Variants in CSMD3 observed in about 807,000 individuals in gnomAD.
The protein encoded by CSMD3 is CUB and sushi domain-containing protein 3.
Under a neutral mutation model 435.2 loss-of-function variants are expected in CSMD3, and 177 were observed. That is an observed-to-expected ratio of 0.41 (90% CI 0.36 to 0.46). CSMD3 has a LOEUF of 0.46. Among genes scored for constraint, CSMD3 ranks in the 20% least tolerant of loss-of-function variants. The pLI is 0.34. For synonymous variants in CSMD3, 1,656 were observed against 1,520.5 expected (o/e 1.09, Z -2.07); for missense variants, 4,265 against 4,504.6 (o/e 0.95, Z 1.52).
chr8:112,375,155 TG>T (rs1361788829), intron 38 of CSMD3, among the ~76,000 whole-genome samples: 4 of 152,154 alleles, frequency 2.6e-5, no homozygotes, highest in African/African-American at 9.6e-5. Context: ...TAGAGGACAG[TG>T]GCTTTCTTTG....
At chr8:113,230,064 A>G (rs1050513547) in intron 3 of CSMD3, among the ~76,000 whole-genome samples, 1 of 151,664 alleles carries the variant, frequency 6.6e-6, no homozygotes, top group Admixed American at 6.6e-5. Context: ...TCTCCATTAT[A>G]GCATGTCTGA....
chr8:112,978,677 A>G (rs748479320), intron 6 of CSMD3, among the ~76,000 whole-genome samples: 12 of 152,070 alleles, frequency 7.9e-5, no homozygotes, highest in Non-Finnish European at 1.5e-4. Flanking sequence ...TTTAATAATC[A>G]TAATCTAACC....
At chr8:112,887,528 T>C (rs1000473613) in intron 10 of CSMD3, among the ~76,000 whole-genome samples, 5 of 151,572 alleles carry the variant, frequency 3.3e-5, no homozygotes, top group Non-Finnish European at 5.9e-5. Flanking sequence ...AAACTATTTC[T>C]TATTAACATG....
chr8:113,365,124 GA>G (rs1344296948), intron 1 of CSMD3, among the ~76,000 whole-genome samples: 1 of 151,938 alleles, frequency 6.6e-6, no homozygotes, highest in Non-Finnish European at 1.5e-5. Flanking sequence ...TTTCCTTAAG[GA>G]AAATGAGCAA....
chr8:112,515,553 A>G lies in CSMD3; in HGVS notation c.4756+1481T>C, dbSNP rs140851875. On this transcript the variant is annotated intron_variant, in intron 28 of 70. Transcript: ENST00000297405. ...AGTGCACTTACAGTAAATGTAAATT[A>G]ATTGATGTTTGTTGATTTAGAATCT... 3.2e-3 allele frequency among the ~76,000 whole-genome samples: 487 copies of G among 152,208 alleles called. 3 individuals are homozygous for G. The highest frequency in any genetic ancestry group is 0.011 in the African/African-American group (460 of 41,574).
At chr8:112,435,318 C>T (rs1814208179) in intron 32 of CSMD3, among the ~76,000 whole-genome samples, 1 of 151,996 alleles carries the variant, frequency 6.6e-6, no homozygotes, top group Non-Finnish European at 1.5e-5. Context: ...GCTCTATAAC[C>T]ATTATCTCTG....
intron 28 of CSMD3, among the ~76,000 whole-genome samples, chr8:112,515,883 G>A (rs1184163114): frequency 6.6e-6 from 1 of 151,896 alleles, no homozygotes; most frequent in East Asian, 1.9e-4. Flanking sequence ...TGCAAAGTAA[G>A]TTCATAGGAA....
intron 30 of CSMD3, among the ~76,000 whole-genome samples, chr8:112,499,709 T>C (rs1338039479): frequency 6.6e-6 from 1 of 152,196 alleles, no homozygotes; most frequent in Admixed American, 6.5e-5. Context: ...AATGCTATAC[T>C]TAGAACCAAT....
intron 11 of CSMD3, among the ~76,000 whole-genome samples, chr8:112,836,342 C>T (rs948688870): frequency 1.3e-5 from 2 of 151,708 alleles, no homozygotes; most frequent in Admixed American, 6.6e-5. Context: ...TACCCTTGAC[C>T]TTTTCTTCTC....
At chr8:112,978,161 T>G (rs2130947347) in intron 6 of CSMD3, among the ~76,000 whole-genome samples, 1 of 152,158 alleles carries the variant, frequency 6.6e-6, no homozygotes, top group African/African-American at 2.4e-5. Flanking sequence ...AGGTTTAATT[T>G]TAATAAAAGA....
chr8:112,563,997 C>T (rs367779345), intron 24 of CSMD3, among the ~76,000 whole-genome samples: 1 of 151,982 alleles, frequency 6.6e-6, no homozygotes, highest in Non-Finnish European at 1.5e-5. Flanking sequence ...ACAGCTCACA[C>T]GAGTGTGAAA....
intron 1 of CSMD3, among the ~76,000 whole-genome samples, chr8:113,333,183 T>A (rs1169906004): frequency 1.3e-5 from 2 of 151,848 alleles, no homozygotes; most frequent in Non-Finnish European, 3.0e-5. Context: ...ATGCAGGTAC[T>A]CTTCTCCAGT....
intron 59 of CSMD3, 124 bp downstream of exon 59, chr8:112,281,050 A>ATT: frequency 1.4e-6 from 1 of 735,702 alleles, no homozygotes; most frequent in Non-Finnish European, 2.2e-6. Context: ...CTTTAATCTG[A>ATT]AAGGCAGTAC....
intron 2 of CSMD3, among the ~76,000 whole-genome samples, chr8:113,304,761 T>G (rs1351895003): frequency 1.2e-5 from 1 of 85,414 alleles, no homozygotes; most frequent in Non-Finnish European, 2.2e-5. Flanking sequence ...CTGGGGACTG[T>G]GGTGGGGTCG....
At chr8:112,759,294 T>C (rs2077776768) in intron 13 of CSMD3, among the ~76,000 whole-genome samples, 1 of 152,102 alleles carries the variant, frequency 6.6e-6, no homozygotes, top group African/African-American at 2.4e-5. Context: ...TGACCCATCC[T>C]AGGAAAAGCT....
At chr8:113,406,559 T>C (rs1020190523) in intron 1 of CSMD3, among the ~76,000 whole-genome samples, 2 of 151,998 alleles carry the variant, frequency 1.3e-5, no homozygotes, top group Non-Finnish European at 2.9e-5. Flanking sequence ...GTAGTCTAAA[T>C]AGTAAGCTCC....
chr8:112,533,515 C>T (rs575511222), intron 27 of CSMD3, among the ~76,000 whole-genome samples: 2 of 151,628 alleles, frequency 1.3e-5, no homozygotes, highest in Non-Finnish European at 2.9e-5. Flanking sequence ...TGAAAAGATA[C>T]AAAGGAATTC....
At position 112,341,537 on chromosome 8, in the gene CSMD3, T is replaced by C; in HGVS notation, c.6592A>G (p.Ser2198Gly). The change falls in exon 42 of 71, where the codon AGC becomes GGC. Residue 2198 changes from serine (S) to glycine (G), a missense_variant. Coordinates refer to ENST00000297405, the MANE Select transcript of CSMD3 (RefSeq NM_198123.2). Reference protein sequence around the residue: ...SSLFSTTHETSLYFHSDYSQN... With the variant: ...SSLFSTTHETGLYFHSDYSQN... Reference sequence around the variant, plus strand: ...GAATAGTCACTGTGAAAATATAAGCTGGTTTCATGGGTGGTGCTGAATAAG... The same window carrying C: ...GAATAGTCACTGTGAAAATATAAGCCGGTTTCATGGGTGGTGCTGAATAAG... 2 of 1,613,482 alleles carry C rather than the reference T, an allele frequency of 1.2e-6. No homozygotes were observed. The highest frequency in any genetic ancestry group is 1.1e-5 in the South Asian group (1 of 91,066).
At chr8:113,414,479 T>C (rs888602479) in intron 1 of CSMD3, among the ~76,000 whole-genome samples, 2 of 152,094 alleles carry the variant, frequency 1.3e-5, no homozygotes, top group African/African-American at 2.4e-5. Context: ...TGCACCCTTA[T>C]AACATTTTAA....
Sources: allele counts gnomAD v4.1 joint callset (sites outside exome capture counted in the v4.1 genomes callset), GRCh38; gene constraint gnomAD v4.1.1; transcripts MANE v1.5; gene names NCBI Gene and HGNC (gene_info 2026-07-23, HGNC 2026-07-21).